The following PIAS2 variants were observed in gnomAD, a reference collection of about 807,000 sequenced individuals.
PIAS2 encodes E3 SUMO-protein ligase PIAS2.
PIAS2 carries 19 observed loss-of-function variants against 69.7 expected under a neutral mutation model. The ratio of observed to expected loss-of-function variants is 0.27; its 90% CI spans 0.19 to 0.40. The LOEUF is 0.40. PIAS2 is among the 10% of genes least tolerant of loss of function. The pLI is 1.00. For synonymous variants in PIAS2, 261 were observed against 263.2 expected (o/e 0.99, Z 0.08); for missense variants, 624 against 757.0 (o/e 0.82, Z 2.06).
intron 2 of PIAS2, among the ~76,000 whole-genome samples, chr18:46,876,139 C>G (rs938635889): frequency 6.6e-6 from 1 of 152,238 alleles, no homozygotes; most frequent in African/African-American, 2.4e-5. Flanking sequence ...ACTGGACACT[C>G]TGCCAAGTAA....
chr18:46,814,111 G>A (rs562026358), intron 13 of PIAS2, among the ~76,000 whole-genome samples: 38 of 152,092 alleles, frequency 2.5e-4, no homozygotes, highest in Non-Finnish European at 4.7e-4. Flanking sequence ...GGCTCTGTGC[G>A]TTGAATTCTT....
chr18:46,917,928 T>C (rs1241824282), upstream of PIAS2: 1 of 152,164 alleles, frequency 6.6e-6, no homozygotes, highest in African/African-American at 2.4e-5. Flanking sequence ...GGGTGTTGGG[T>C]AAGCTATTGT....
intron 1 of PIAS2, among the ~76,000 whole-genome samples, chr18:46,894,799 G>A (rs947064526): frequency 7.9e-5 from 12 of 152,046 alleles, no homozygotes; most frequent in Non-Finnish European, 1.5e-4. Flanking sequence ...GGCTGGGCGC[G>A]GTGGCTCATA....
intron 13 of PIAS2, among the ~76,000 whole-genome samples, chr18:46,813,159 A>T (rs914867484): frequency 6.6e-6 from 1 of 152,194 alleles, no homozygotes; most frequent in Non-Finnish European, 1.5e-5. Context: ...GAATGACAAC[A>T]TTCATTCTAA....
intron 5 of PIAS2, chr18:46,853,651 T>A (rs954816388): frequency 6.6e-6 from 1 of 152,530 alleles, no homozygotes; most frequent in Non-Finnish European, 1.5e-5. Flanking sequence ...CAGCCAGGTG[T>A]GGTGGCAGGC....
chr18:46,916,726 G>C (rs2057962986), intron 1 of PIAS2: 1 of 670,826 alleles, frequency 1.5e-6, no homozygotes, highest in Non-Finnish European at 1.8e-6. Context: ...AGAAAATATC[G>C]AGGTTTAAGG....
At position 46,844,752 on chromosome 18, in the gene PIAS2, C is replaced by G; in HGVS notation, c.949G>C (p.Asp317His). ...TACTTACTTAGTGCTCTGGAATGATCAGGGTTTCTAATACCTTTCATTTTT... is the reference window on the plus strand; with the variant it reads ...TACTTACTTAGTGCTCTGGAATGATGAGGGTTTCTAATACCTTTCATTTTT... ...RLKMKGIRNP[D>H]HSRALIKEKL... The change falls in exon 7 of 14, where the codon GAT becomes CAT. Residue 317 changes from aspartate to histidine, a missense_variant. Physicochemically the swap from Asp to His is moderately conservative, Grantham distance 81. Coordinates refer to ENST00000585916, the MANE Select transcript of PIAS2 (RefSeq NM_004671.5). The G allele has an allele frequency of 8.5e-6, 12 of 1,420,090 alleles. No homozygotes were observed. Among genetic ancestry groups the G allele is most frequent in the Non-Finnish European group, 1.1e-5 (12 of 1,069,114 alleles). 88.0% of individuals were successfully genotyped at this position (1,420,090 alleles called of 1,614,324 possible).
chr18:46,814,508 AC>A (rs1459865469), intron 13 of PIAS2, among the ~76,000 whole-genome samples: 1 of 152,144 alleles, frequency 6.6e-6, no homozygotes, highest in Non-Finnish European at 1.5e-5. Context: ...CTCAGTCTGC[AC>A]ATTACCTTGG....
chr18:46,816,316 T>C, intron 12 of PIAS2: 1 of 956,970 alleles, frequency 1.0e-6, no homozygotes, highest in African/African-American at 1.8e-5. Context: ...AGTATGAATT[T>C]ATAACTCAAA....
At chr18:46,859,423 G>A (rs1296779504) in intron 3 of PIAS2, among the ~76,000 whole-genome samples, 14 of 79,698 alleles carry the variant, frequency 1.8e-4, no homozygotes, top group Non-Finnish European at 2.9e-4. Flanking sequence ...GCGAGACTCC[G>A]TCTCAAAAAA....
In PIAS2 at chr18:46,815,633, G is replaced by C. The variant is rs533578023; in HGVS notation, c.1649-284C>G. 8.8e-5 allele frequency: 94 copies of C among 1,072,098 alleles called. No homozygotes were observed. The African/African-American group carries it at 1.2e-3, about 13-fold the overall frequency. The allele number at this position is 1,072,098 out of a possible 1,614,324, so 66.4% of individuals were successfully genotyped here. ...AGTCAAAACAAATATTTCCCCCTTT[G>C]CCGCTTAACAGAATGAGAAGCAATA... On this transcript the variant is annotated intron_variant, in intron 12 of 13. Coordinates refer to ENST00000585916, the MANE Select transcript of PIAS2 (RefSeq NM_004671.5).
intron 9 of PIAS2, 137 bp downstream of exon 9, chr18:46,836,220 C>T (rs924999590): frequency 3.1e-5 from 21 of 674,962 alleles, no homozygotes; most frequent in African/African-American, 1.8e-4. Context: ...AGGTATAAGA[C>T]GGAAAACATA....
Position 46,890,654 on chromosome 18 carries a change from A to G in PIAS2, c.425T>C (p.Val142Ala). Reference protein sequence around the residue: ...MQQPSPPIPPVHPDVQLKNLP... With the variant: ...MQQPSPPIPPAHPDVQLKNLP... ...ATTTTTTAACTGCACATCAGGATGG[A>G]CAGGAGGAATTGGGGGAGATGGCTG... is the stretch of plus-strand genomic sequence containing the variant. The change falls in exon 2 of 14, where the codon GTC becomes GCC. Residue 142 changes from valine to alanine, a missense_variant. By Grantham distance (64) the Val-to-Ala change is moderately conservative. Transcript: ENST00000585916. 6.2e-7 allele frequency: 1 copy of G among 1,614,178 alleles called. No homozygotes were observed. Among genetic ancestry groups the G allele is most frequent in the Non-Finnish European group, 8.5e-7 (1 of 1,180,014 alleles).
chr18:46,815,653 G>T, intron 12 of PIAS2: 1 of 1,036,010 alleles, frequency 9.7e-7, no homozygotes, highest in Admixed American at 5.6e-5. Flanking sequence ...AGAATGAGAA[G>T]CAATAAAAAT....
intron 9 of PIAS2, among the ~76,000 whole-genome samples, chr18:46,834,839 C>T (rs753649872): frequency 6.6e-6 from 1 of 152,076 alleles, no homozygotes; most frequent in Admixed American, 6.5e-5. Context: ...GAGAAGTGGA[C>T]GATGTTATGC....
At position 46,803,218 on chromosome 18, in the gene PIAS2, T is replaced by C. The variant is rs891366547; in HGVS notation, c.*9215A>G. 9 of 151,906 alleles carry C rather than the reference T, an allele frequency of 5.9e-5. No homozygotes were observed. The highest frequency in any genetic ancestry group is 1.3e-4 in the Non-Finnish European group (9 of 67,994). 9.4% of individuals were successfully genotyped at this position (151,906 alleles called of 1,614,324 possible). A position where few individuals can be genotyped will look rare whatever the true frequency, so the allele number is the denominator to read the frequency against. ...TTCATTGACCAATGAAAGCAATGGG[T>C]CATAGTTTAATTAGCAGGTTTAATT... is the stretch of plus-strand genomic sequence containing the variant. On this transcript the variant is annotated 3_prime_UTR_variant, in exon 14 of 14. Transcript: ENST00000585916.
At chr18:46,894,869 G>C (rs1025853821) in intron 1 of PIAS2, among the ~76,000 whole-genome samples, 3 of 151,492 alleles carry the variant, frequency 2.0e-5, no homozygotes, top group Non-Finnish European at 4.4e-5. Flanking sequence ...TCAGGAGTTT[G>C]AGACCAGCCT....
At chr18:46,865,559 A>G (rs1254859051) in intron 2 of PIAS2, among the ~76,000 whole-genome samples, 2 of 151,278 alleles carry the variant, frequency 1.3e-5, no homozygotes, top group Non-Finnish European at 2.9e-5. Flanking sequence ...GTCCTTGTAT[A>G]TAACACTGTC....
intron 9 of PIAS2, 25 bp from the exon 10 acceptor site, chr18:46,829,892 A>G (rs1438722258): frequency 6.3e-7 from 1 of 1,595,838 alleles, no homozygotes; most frequent in Admixed American, 1.8e-5. Context: ...AGAAGTACAT[A>G]CATGTGATCA....
Sources: gnomAD v4.1 joint callset for allele counts (sites outside exome capture counted in the v4.1 genomes callset) on GRCh38, gnomAD v4.1.1 for gene constraint, MANE v1.5 for transcripts, NCBI Gene and HGNC (gene_info 2026-07-23, HGNC 2026-07-21) for gene names.